The following MOSPD2 variants were observed in gnomAD, a reference collection of about 807,000 sequenced individuals.
MOSPD2 encodes the protein motile sperm domain-containing protein 2.
A neutral mutation model predicts 41.7 loss-of-function variants in MOSPD2; 5 were observed. The ratio of observed to expected loss-of-function variants is 0.12; its 90% CI spans 0.06 to 0.25. MOSPD2 has a LOEUF of 0.25. Ranked by LOEUF, MOSPD2 falls within the 10% of genes least tolerant of loss-of-function variation. The probability of loss-of-function intolerance (pLI) is 1.00; values close to 1 mark genes in which losing one functional copy is unlikely to be tolerated. For missense variants in MOSPD2, 282 were observed against 375.2 expected (o/e 0.75, Z 2.05); for synonymous variants, 115 against 126.9 (o/e 0.91, Z 0.63).
chrX:14,915,835 T>C (rs894346757), intron 12 of MOSPD2, 71 bp downstream of exon 12: 2 of 888,790 alleles, frequency 2.3e-6, no homozygotes, highest in Non-Finnish European at 3.3e-6. Context: ...ACCTTGGCTC[T>C]GAGTCAGCAG....
At chrX:14,893,470 C>CA (rs1462617996) in intron 3 of MOSPD2, 2 of 110,871 alleles carry the variant, frequency 1.8e-5, no homozygotes, top group Non-Finnish European at 3.8e-5. Context: ...AATTTTTTTC[C>CA]AAAAATGAGA....
At chrX:14,892,358 T>G (rs1340952984) in intron 2 of MOSPD2, among the ~76,000 whole-genome samples, 2 of 110,435 alleles carry the variant, frequency 1.8e-5, no homozygotes, top group Non-Finnish European at 3.8e-5. Flanking sequence ...AAGGAGGAGG[T>G]GCCAGGCTCT....
At chrX:14,902,031 C>A (rs1403040799) in intron 6 of MOSPD2, among the ~76,000 whole-genome samples, 1 of 110,076 alleles carries the variant, frequency 9.1e-6, no homozygotes, top group Non-Finnish European at 1.9e-5. Context: ...GTTTTGCAGA[C>A]ATTGAATTTC....
intron 4 of MOSPD2, 51 bp downstream of exon 4, chrX:14,895,445 T>G (rs1362235993): frequency 1.4e-6 from 1 of 718,381 alleles, no homozygotes; most frequent in Non-Finnish European, 2.2e-6. Flanking sequence ...GAGATTGAGA[T>G]ATCTATGTCA....
chrX:14,918,897 C>A, intron 14 of MOSPD2, 115 bp downstream of exon 14: 1 of 513,074 alleles, frequency 1.9e-6, no homozygotes, highest in Admixed American at 3.7e-5. Context: ...GATAGAAATA[C>A]TGTCTTCTTT....
chrX:14,887,008 C>T (rs1023717659), intron 2 of MOSPD2, among the ~76,000 whole-genome samples: 13 of 111,960 alleles, frequency 1.2e-4, no homozygotes, highest in African/African-American at 3.2e-4. Flanking sequence ...TGATCACACC[C>T]ATTACTGACA....
chrX:14,894,874 T>C (rs757944544), intron 3 of MOSPD2, among the ~76,000 whole-genome samples: 82 of 111,902 alleles, frequency 7.3e-4, no homozygotes, highest in Non-Finnish European at 3.4e-4. Context: ...TATGTTTAAC[T>C]GCAAATACCA....
intron 13 of MOSPD2, among the ~76,000 whole-genome samples, chrX:14,917,552 C>T (rs938674983): frequency 2.7e-5 from 3 of 111,504 alleles, no homozygotes; most frequent in African/African-American, 9.8e-5. Flanking sequence ...AGAAACTAGA[C>T]GGTGGGCAGT....
At chrX:14,882,354 C>T (rs974387064) in intron 2 of MOSPD2, among the ~76,000 whole-genome samples, 1 of 110,520 alleles carries the variant, frequency 9.0e-6, no homozygotes, top group Admixed American at 9.6e-5. Flanking sequence ...AGGGTTGAGG[C>T]GGGAGATTCA....
At chrX:14,895,229 A>G in intron 3 of MOSPD2, 79 bp from the exon 4 acceptor site, 3 of 588,503 alleles carry the variant, frequency 5.1e-6, no homozygotes, top group Non-Finnish European at 8.6e-6. Flanking sequence ...GAACTACTAC[A>G]TAACATTATC....
intron 2 of MOSPD2, among the ~76,000 whole-genome samples, chrX:14,877,404 G>A (rs1377331803): frequency 9.1e-6 from 1 of 110,081 alleles, no homozygotes; most frequent in Admixed American, 9.6e-5. Flanking sequence ...GTGCAATGGC[G>A]TGATCTTGGC....
chrX:14,910,327 T>A (rs1167784601), intron 8 of MOSPD2, among the ~76,000 whole-genome samples: 1 of 111,206 alleles, frequency 9.0e-6, no homozygotes, highest in Non-Finnish European at 1.9e-5. Context: ...TCTATTACAG[T>A]TTTTTACACA....
chrX:14,895,810 T>C lies in MOSPD2; in HGVS notation c.322+416T>C, dbSNP rs756876091. On this transcript the variant is annotated intron_variant, in intron 4 of 14. Coordinates refer to ENST00000380492, the MANE Select transcript of MOSPD2 (RefSeq NM_152581.4). ...CTAGCTTTTTCTGAAATGTGTATTA[T>C]AATGAAAGGAACAGTAACAATCATC... 5.4e-5 allele frequency among the ~76,000 whole-genome samples: 6 copies of C among 111,139 alleles called. No individual in the cohort carries two copies. The South Asian group carries it at 2.3e-3, about 43-fold the overall frequency.
At position 14,918,822 on chromosome X, in the gene MOSPD2, G is replaced by A. The variant is rs755330111; in HGVS notation, c.1419+40G>A. The A allele has an allele frequency of 4.6e-6, 4 of 870,621 alleles. No homozygotes were observed. In the South Asian group the frequency reaches 8.4e-5, roughly 18 times the overall value. 71.7% of individuals were successfully genotyped at this position (870,621 alleles called of 1,213,427 possible). A position where few individuals can be genotyped will look rare whatever the true frequency, so the allele number is the denominator to read the frequency against. ...TTCCTACCCAAACAAAGTTGTTAAT[G>A]CTGATCAACATTAGAAATCCCTTTT... On this transcript the variant is annotated intron_variant, in intron 14 of 14. Coordinates refer to ENST00000380492, the MANE Select transcript of MOSPD2 (RefSeq NM_152581.4).
intron 2 of MOSPD2, among the ~76,000 whole-genome samples, chrX:14,877,961 G>C (rs1174840462): frequency 1.9e-5 from 2 of 106,034 alleles, no homozygotes; most frequent in East Asian, 6.0e-4. Flanking sequence ...CTGGGCGACA[G>C]AGCAAGACTC....
intron 2 of MOSPD2, among the ~76,000 whole-genome samples, chrX:14,890,665 A>G (rs181171253): frequency 8.9e-6 from 1 of 111,742 alleles, no homozygotes; most frequent in East Asian, 2.8e-4. Context: ...TTTTCATCCG[A>G]TCCTCACACA....
At chrX:14,896,831 TCACCTGTATTTTCTTTTCCCTCTTA>T (rs2092563999) in intron 4 of MOSPD2, among the ~76,000 whole-genome samples, 1 of 112,809 alleles carries the variant, frequency 8.9e-6, no homozygotes, top group Non-Finnish European at 1.9e-5. Context: ...TAGTGTTTGT[TCACCTGTATTTTCTTTTCCCTCTTA>T]CAAGTGAAAT....
chrX:14,889,335 G>C (rs1341720641), intron 2 of MOSPD2, among the ~76,000 whole-genome samples: 1 of 111,987 alleles, frequency 8.9e-6, no homozygotes, highest in African/African-American at 3.2e-5. Context: ...TCAGTTGTCT[G>C]AGGGCTGTGT....
intron 2 of MOSPD2, among the ~76,000 whole-genome samples, chrX:14,876,920 T>A (rs1214653924): frequency 2.7e-5 from 3 of 111,749 alleles, no homozygotes; most frequent in Non-Finnish European, 3.8e-5. Context: ...TAGAAAAAAA[T>A]TCATTAAAAA....
Sources: allele counts gnomAD v4.1 joint callset (sites outside exome capture counted in the v4.1 genomes callset), GRCh38; gene constraint gnomAD v4.1.1; transcripts MANE v1.5; gene names NCBI Gene and HGNC (gene_info 2026-07-23, HGNC 2026-07-21).